PRTG: variants seen among roughly 807,000 people sequenced by gnomAD.
PRTG encodes the protein immunoglobulin superfamily, DCC subclass, member 5.
Under a neutral mutation model 122.5 loss-of-function variants are expected in PRTG, and 67 were observed. The ratio of observed to expected loss-of-function variants is 0.55; its 90% CI spans 0.45 to 0.67. The LOEUF is 0.67. PRTG is among the 30% of genes least tolerant of loss of function. PRTG has a pLI of 0.00. For missense variants in PRTG, 1,435 were observed against 1,415.4 expected, an observed-to-expected ratio of 1.01 and a Z score of -0.22; for synonymous variants, 554 against 501.1, an observed-to-expected ratio of 1.11 and a Z score of -1.41.
rs116813847 is a variant in PRTG, at chr15:55,709,550, G to A, written c.398-25619C>T. On this transcript the variant is annotated intron_variant, in intron 2 of 19. Coordinates refer to ENST00000389286, the MANE Select transcript of PRTG (RefSeq NM_173814.6). ...TTAGGTATCTACCCAAGTGAAATTA[G>A]TTCATAGTTTACACAATGACTTATA... 4.4e-3 allele frequency among the ~76,000 whole-genome samples: 670 copies of A among 151,938 alleles called. 5 individuals are homozygous for A. The highest frequency in any genetic ancestry group is 0.015 in the African/African-American group (640 of 41,444).
intron 11 of PRTG, among the ~76,000 whole-genome samples, chr15:55,671,157 C>T (rs1595635919): frequency 6.6e-6 from 1 of 152,220 alleles, no homozygotes; most frequent in Non-Finnish European, 1.5e-5. Context: ...CTGCTTCTTA[C>T]TGTGCAGAGA....
At chr15:55,699,635 T>C (rs187057489) in intron 2 of PRTG, among the ~76,000 whole-genome samples, 104 of 152,362 alleles carry the variant, frequency 6.8e-4, no homozygotes, top group African/African-American at 2.3e-3. Flanking sequence ...GACATATTTA[T>C]ATCTGTACAT....
intron 11 of PRTG, chr15:55,655,188 T>G (rs2059373186): frequency 6.6e-6 from 1 of 152,208 alleles, no homozygotes; most frequent in African/African-American, 2.4e-5. Flanking sequence ...TGTTAGCAAA[T>G]AAAAGAATTC....
chr15:55,707,445 T>G (rs748444217), intron 2 of PRTG, among the ~76,000 whole-genome samples: 4 of 152,260 alleles, frequency 2.6e-5, no homozygotes, highest in Non-Finnish European at 4.4e-5. Context: ...GTCTTTGAAT[T>G]GCTTCAGTAG....
intron 16 of PRTG, among the ~76,000 whole-genome samples, 183 bp from the exon 17 acceptor site, chr15:55,627,311 T>C (rs1479947802): frequency 6.6e-6 from 1 of 151,018 alleles, no homozygotes; most frequent in African/African-American, 2.4e-5. Flanking sequence ...GACAGATTTC[T>C]CTTCCAATAT....
rs1214455002 is a variant in PRTG, at chr15:55,678,062, A to T, written c.1134-18T>A. ...CCAATTTACTAGGGAAAGAAAAAAA[A>T]TTATTTCCATGAAAAATTCTAAGAA... On this transcript the variant is annotated intron_variant, in intron 7 of 19. Coordinates refer to ENST00000389286, the MANE Select transcript of PRTG (RefSeq NM_173814.6). 2.0e-6 allele frequency: 3 copies of T among 1,471,076 alleles called. No individual in the cohort carries two copies. Among genetic ancestry groups the T allele is most frequent in the Non-Finnish European group, 2.8e-6 (3 of 1,069,226 alleles). 91.1% of individuals were successfully genotyped at this position (1,471,076 alleles called of 1,614,324 possible).
chr15:55,629,009 A>T lies in PRTG; in HGVS notation c.2624-5T>A. 2 of 1,580,282 alleles carry T rather than the reference A, an allele frequency of 1.3e-6. No individual in the cohort carries two copies. The highest frequency in any genetic ancestry group is 1.7e-6 in the Non-Finnish European group (2 of 1,157,290). On this transcript the variant is annotated splice_polypyrimidine_tract_variant and splice_region_variant and intron_variant, in intron 15 of 19. Coordinates refer to ENST00000389286, the MANE Select transcript of PRTG (RefSeq NM_173814.6). ...GCAAAGCCATGGTTATTGCCCCTAG[A>T]AATACATCAATTACAAATTAAGTGA... is the stretch of plus-strand genomic sequence containing the variant.
Position 55,629,002 on chromosome 15 carries a change from C to T in PRTG, c.2626G>A (p.Ala876Thr). Residue 876 changes from alanine to threonine, a missense_variant and splice_region_variant, in exon 16 of 20, where the codon GCA becomes ACA. Ala to Thr is a moderately conservative substitution (Grantham distance 58). Transcript: ENST00000389286. Reference sequence around the variant, plus strand: ...TTTTCTAGCAAAGCCATGGTTATTGCCCCTAGAAATACATCAATTACAAAT... The same window carrying T: ...TTTTCTAGCAAAGCCATGGTTATTGTCCCTAGAAATACATCAATTACAAAT... ...GEWQVLHREG[A>T]ITMALLENLV... The T allele has an allele frequency of 6.3e-7, 1 of 1,599,694 alleles. No homozygotes were observed. Among genetic ancestry groups the T allele is most frequent in the Non-Finnish European group, 8.5e-7 (1 of 1,170,518 alleles).
chr15:55,643,803 C>T, intron 11 of PRTG, among the ~76,000 whole-genome samples: 1 of 152,004 alleles, frequency 6.6e-6, no homozygotes. Flanking sequence ...AGTACAAGAC[C>T]TCTAAATTTA....
chr15:55,708,397 A>G (rs1331336599), intron 2 of PRTG, among the ~76,000 whole-genome samples: 6 of 151,922 alleles, frequency 3.9e-5, no homozygotes, highest in Admixed American at 3.3e-4. Flanking sequence ...TCATGAGGTC[A>G]GGAGTTCGAG....
intron 2 of PRTG, among the ~76,000 whole-genome samples, chr15:55,699,814 T>A (rs1186306030): frequency 6.6e-6 from 1 of 152,172 alleles, no homozygotes; most frequent in Admixed American, 6.5e-5. Flanking sequence ...AGCATGATTA[T>A]ATTAAGTATT....
rs370418909 is a variant in PRTG at position 55,704,793 on chromosome 15, A to G, written c.398-20862T>C. Among the ~76,000 whole-genome samples the G allele has an allele frequency of 1.4e-4, 22 of 152,328 alleles. No homozygotes were observed. In the South Asian group the frequency reaches 4.4e-3, roughly 30 times the overall value. On this transcript the variant is annotated intron_variant, in intron 2 of 19. Coordinates refer to ENST00000389286, the MANE Select transcript of PRTG (RefSeq NM_173814.6). Reference sequence around the variant, plus strand: ...ATGCCTCTCTCTTTCATCTTCTCATAGCTGTTAAATTAAAAAGCAAGCCAA... The same window carrying G: ...ATGCCTCTCTCTTTCATCTTCTCATGGCTGTTAAATTAAAAAGCAAGCCAA...
intron 11 of PRTG, among the ~76,000 whole-genome samples, chr15:55,663,578 G>A (rs1348664287): frequency 1.3e-5 from 2 of 148,426 alleles, no homozygotes; most frequent in Non-Finnish European, 3.0e-5. Flanking sequence ...TTTCGCTCTC[G>A]TTGCCCTGGC....
At chr15:55,628,772 AAC>A in intron 16 of PRTG, 48 bp downstream of exon 16, 1 of 1,440,628 alleles carries the variant, frequency 6.9e-7, no homozygotes, top group Non-Finnish European at 9.5e-7. Context: ...TGTAAGGAAG[AAC>A]ACTTTTTTTC....
At chr15:55,671,240 G>A (rs2059469397) in intron 11 of PRTG, among the ~76,000 whole-genome samples, 2 of 152,176 alleles carry the variant, frequency 1.3e-5, no homozygotes, top group Admixed American at 1.3e-4. Context: ...GCCCATGGCT[G>A]TACAGCTGAG....
chr15:55,624,539 A>C, intron 17 of PRTG, 32 bp from the exon 18 acceptor site: 1 of 1,583,412 alleles, frequency 6.3e-7, no homozygotes, highest in Non-Finnish European at 8.6e-7. Context: ...GAAGTCTTCT[A>C]ATTTCATAGA....
At chr15:55,648,044 C>A (rs1432628840) in intron 11 of PRTG, among the ~76,000 whole-genome samples, 2 of 152,214 alleles carry the variant, frequency 1.3e-5, no homozygotes, top group Non-Finnish European at 2.9e-5. Context: ...CCTTTACCCA[C>A]ATCTTCCATA....
rs924227738 is a variant in PRTG, at chr15:55,616,558, C to A, written c.*3454G>T. ...ATCATTTGGCAAAAACATCATGTGG[C>A]TGAATCACAGATTAAATGGAAAGTC... On this transcript the variant is annotated 3_prime_UTR_variant, in exon 20 of 20. Transcript: ENST00000389286. 6.6e-6 allele frequency: 1 copy of A among 152,094 alleles called. No homozygotes were observed. The highest frequency in any genetic ancestry group is 1.5e-5 in the Non-Finnish European group (1 of 67,990). 9.4% of individuals were successfully genotyped at this position (152,094 alleles called of 1,614,324 possible).
At chr15:55,677,204 G>A (rs920879907) in intron 8 of PRTG, among the ~76,000 whole-genome samples, 29 of 151,986 alleles carry the variant, frequency 1.9e-4, no homozygotes, top group Non-Finnish European at 3.8e-4. Context: ...CAATAATTCT[G>A]AACAAAAATT....
Sources: allele counts gnomAD v4.1 joint callset (sites outside exome capture counted in the v4.1 genomes callset), GRCh38; gene constraint gnomAD v4.1.1; transcripts MANE v1.5; gene names NCBI Gene and HGNC (gene_info 2026-07-23, HGNC 2026-07-21).